The following STPG4 variants were observed in gnomAD, a reference collection of about 807,000 sequenced individuals.
STPG4 encodes the protein sperm-tail PG-rich repeat containing 4.
STPG4 carries 41 observed loss-of-function variants against 31.5 expected under a neutral mutation model. The ratio of observed to expected loss-of-function variants is 1.30; its 90% CI spans 1.01 to 1.69. STPG4 has a LOEUF of 1.69. Ranked by LOEUF, STPG4 falls within the 40% of genes most tolerant of loss-of-function variation. The probability of loss-of-function intolerance (pLI) is 0.00; values close to 1 mark genes in which losing one functional copy is unlikely to be tolerated. For missense variants in STPG4, 375 were observed against 293.4 expected, an observed-to-expected ratio of 1.28 and a Z score of -2.03; for synonymous variants, 141 against 103.0, an observed-to-expected ratio of 1.37 and a Z score of -2.24.
intron 5 of STPG4, among the ~76,000 whole-genome samples, chr2:47,122,531 C>G (rs1686292024): frequency 6.6e-6 from 1 of 151,964 alleles, no homozygotes. Flanking sequence ...AACACCTTTT[C>G]CAAGTTATTT....
intron 3 of STPG4, among the ~76,000 whole-genome samples, chr2:47,145,005 C>T (rs1188088195): frequency 6.6e-6 from 1 of 152,220 alleles, no homozygotes; most frequent in African/African-American, 2.4e-5. Context: ...GCTGGGATTA[C>T]AGGCGTGAGC....
chr2:47,093,433 T>G, intron 5 of STPG4, among the ~76,000 whole-genome samples: 1 of 152,194 alleles, frequency 6.6e-6, no homozygotes, highest in Non-Finnish European at 1.5e-5. Flanking sequence ...AGGAACAGTT[T>G]GTGCAGGAGC....
intron 3 of STPG4, among the ~76,000 whole-genome samples, chr2:47,148,192 C>G (rs912246102): frequency 6.6e-6 from 1 of 152,068 alleles, no homozygotes; most frequent in Admixed American, 6.6e-5. Flanking sequence ...AGTGATCCAC[C>G]TGCCTCGGCC....
intron 5 of STPG4, among the ~76,000 whole-genome samples, chr2:47,107,073 G>A (rs1225945681): frequency 1.3e-5 from 2 of 151,496 alleles, no homozygotes; most frequent in Non-Finnish European, 2.9e-5. Context: ...AACAGCAGTT[G>A]GGGTGTCCTG....
intron 5 of STPG4, among the ~76,000 whole-genome samples, chr2:47,117,908 A>C (rs572422863): frequency 7.7e-5 from 11 of 143,214 alleles, no homozygotes; most frequent in Non-Finnish European, 1.5e-4. Context: ...CTTTAGAGAT[A>C]GTACAACATA....
chr2:47,140,999 G>A (rs948562098), intron 3 of STPG4, among the ~76,000 whole-genome samples: 25 of 151,502 alleles, frequency 1.7e-4, no homozygotes, highest in Admixed American at 5.3e-4. Context: ...CGACTGTCCC[G>A]CCTTAGCCTC....
At chr2:47,141,946 G>T (rs1686720352) in intron 3 of STPG4, among the ~76,000 whole-genome samples, 1 of 147,018 alleles carries the variant, frequency 6.8e-6, no homozygotes, top group Non-Finnish European at 1.5e-5. Context: ...GCCCCACTCT[G>T]ATGTTCACCA....
chr2:47,113,011 A>C (rs1450402972), intron 5 of STPG4, among the ~76,000 whole-genome samples: 1 of 132,592 alleles, frequency 7.5e-6, no homozygotes, highest in East Asian at 2.4e-4. Flanking sequence ...AAAAAAAAAA[A>C]AATCACAAGT....
chr2:47,118,650 C>T (rs751702508), intron 5 of STPG4, among the ~76,000 whole-genome samples: 21 of 152,128 alleles, frequency 1.4e-4, no homozygotes, highest in Non-Finnish European at 2.5e-4. Flanking sequence ...TTTGAGGTCA[C>T]CAAAAAACTA....
intron 3 of STPG4, among the ~76,000 whole-genome samples, chr2:47,140,513 C>A (rs1236429631): frequency 1.1e-4 from 17 of 152,124 alleles, no homozygotes. Flanking sequence ...GTGTTCCTAC[C>A]CCAGCCATGG....
intron 1 of STPG4, among the ~76,000 whole-genome samples, chr2:47,154,067 A>G (rs1558691026): frequency 6.6e-6 from 1 of 152,168 alleles, no homozygotes; most frequent in Non-Finnish European, 1.5e-5. Context: ...CCTTTCATTT[A>G]TAATGCCTTT....
At chr2:47,151,919 GT>G (rs71245620) in intron 2 of STPG4, among the ~76,000 whole-genome samples, 4,882 of 74,722 alleles carry the variant, frequency 0.065, 206 homozygotes, top group African/African-American at 0.14. Flanking sequence ...TTTTTGTTTT[GT>G]TTTTTTTTTT....
At chr2:47,120,582 T>C (rs964605225) in intron 5 of STPG4, among the ~76,000 whole-genome samples, 1 of 149,836 alleles carries the variant, frequency 6.7e-6, no homozygotes, top group Non-Finnish European at 1.5e-5. Context: ...AAAAAAAGAA[T>C]GTGGTTAGAG....
At chr2:47,102,909 G>C (rs553040820) in intron 5 of STPG4, among the ~76,000 whole-genome samples, 1 of 151,848 alleles carries the variant, frequency 6.6e-6, no homozygotes, top group South Asian at 2.1e-4. Context: ...GTCCTACAGG[G>C]TCTAGGGCAA....
At chr2:47,098,295 T>G (rs1359727322) in intron 5 of STPG4, among the ~76,000 whole-genome samples, 2 of 152,218 alleles carry the variant, frequency 1.3e-5, no homozygotes, top group African/African-American at 2.4e-5. Flanking sequence ...CAGCCATCTC[T>G]ACTTCACAGC....
chr2:47,140,452 T>G (rs2103793801), intron 3 of STPG4, among the ~76,000 whole-genome samples: 1 of 152,316 alleles, frequency 6.6e-6, no homozygotes, highest in East Asian at 1.9e-4. Flanking sequence ...AGCTTTTAAC[T>G]CTCAGATTTG....
intron 3 of STPG4, among the ~76,000 whole-genome samples, chr2:47,146,615 T>C (rs919235131): frequency 6.7e-6 from 1 of 149,758 alleles, no homozygotes; most frequent in African/African-American, 2.5e-5. Flanking sequence ...TCAAGAAAAC[T>C]ATCTAGGTGG....
intron 5 of STPG4, among the ~76,000 whole-genome samples, chr2:47,116,443 A>C: frequency 6.6e-6 from 1 of 152,038 alleles, no homozygotes; most frequent in Non-Finnish European, 1.5e-5. Context: ...GTATTTTACT[A>C]GTTAAACATC....
At chr2:47,109,611 A>T (rs766321780) in intron 5 of STPG4, among the ~76,000 whole-genome samples, 1 of 151,908 alleles carries the variant, frequency 6.6e-6, no homozygotes, top group Non-Finnish European at 1.5e-5. Flanking sequence ...TTGAAATGTT[A>T]TATTTTTCCC....
Sources: allele counts gnomAD v4.1 joint callset (sites outside exome capture counted in the v4.1 genomes callset), GRCh38; gene constraint gnomAD v4.1.1; transcripts MANE v1.5; gene names NCBI Gene and HGNC (gene_info 2026-07-23, HGNC 2026-07-21).